NELL1: variants seen among roughly 807,000 people sequenced by gnomAD.
NELL1 encodes the protein protein kinase C-binding protein NELL1.
In NELL1, 76 loss-of-function variants were observed where a neutral mutation model predicts 107.4. The ratio of observed to expected loss-of-function variants is 0.71; its 90% CI spans 0.59 to 0.86. The LOEUF is 0.86. Ranked by LOEUF, NELL1 falls within the 40% of genes least tolerant of loss-of-function variation. NELL1 has a pLI of 0.00. For synonymous variants in NELL1, 353 were observed against 341.2 expected (o/e 1.03, Z -0.38); for missense variants, 1,024 against 1,005.5 (o/e 1.02, Z -0.25).
chr11:21,326,378 T>C (rs1850142874), intron 14 of NELL1, among the ~76,000 whole-genome samples: 1 of 152,092 alleles, frequency 6.6e-6, no homozygotes, highest in African/African-American at 2.4e-5. Flanking sequence ...AATAGGATTT[T>C]TGTTCATGTT....
chr11:20,909,656 G>A (rs545635196), intron 5 of NELL1, among the ~76,000 whole-genome samples: 8 of 152,188 alleles, frequency 5.3e-5, no homozygotes, highest in African/African-American at 1.4e-4. Flanking sequence ...TCAAACCAGC[G>A]TAAGATCTGG....
intron 12 of NELL1, among the ~76,000 whole-genome samples, chr11:20,974,845 A>G (rs1851572347): frequency 6.6e-6 from 1 of 152,190 alleles, no homozygotes; most frequent in African/African-American, 2.4e-5. Context: ...TTAAATTTAA[A>G]AAAGATAAAT....
rs575644916 is a variant in NELL1 at position 21,178,747 on chromosome 11, G to A, written c.1427-50585G>A. On this transcript the variant is annotated intron_variant, in intron 13 of 19. Transcript: ENST00000357134. ...CTACTGCACTCCAGCCTTGGGGACA[G>A]AGTGAGAACTTGTCTTAAAAAAAAA... Among the ~76,000 whole-genome samples the A allele has an allele frequency of 8.7e-5, 13 of 148,572 alleles. No individual in the cohort carries two copies. The Admixed American group carries it at 8.8e-4, about 10-fold the overall frequency.
At position 21,369,945 on chromosome 11, in the gene NELL1, GA is replaced by G. The variant is rs1254685881; in HGVS notation, c.1550-906del. Among the ~76,000 whole-genome samples, 3 of 152,022 alleles carry G rather than the reference GA, an allele frequency of 2.0e-5. No individual in the cohort carries two copies. The East Asian group carries it at 5.8e-4, about 29-fold the overall frequency. Reference sequence around the variant, plus strand: ...AATCAGTTTTGAGCATCTGCTATGTGAATACATACTGAGGCTACAATACAGT... The same window carrying G: ...AATCAGTTTTGAGCATCTGCTATGTGATACATACTGAGGCTACAATACAGT... On this transcript the variant is annotated intron_variant, in intron 14 of 19. Transcript: ENST00000357134.
chr11:21,505,905 T>C (rs1242662338), intron 15 of NELL1, among the ~76,000 whole-genome samples: 1 of 152,210 alleles, frequency 6.6e-6, no homozygotes, highest in Non-Finnish European at 1.5e-5. Context: ...AGCCTCTCAC[T>C]AAATGATTGA....
intron 12 of NELL1, among the ~76,000 whole-genome samples, chr11:21,009,016 A>G (rs76997740): frequency 1.3e-5 from 2 of 152,146 alleles, no homozygotes; most frequent in East Asian, 3.9e-4. Context: ...TGGCAATTTG[A>G]TTGGTGGGAC....
chr11:21,032,253 C>G (rs150927401), intron 12 of NELL1, among the ~76,000 whole-genome samples: 41 of 152,168 alleles, frequency 2.7e-4, no homozygotes, highest in Admixed American at 6.5e-4. Context: ...TATAACTTCA[C>G]TGGCTTTGAA....
At chr11:21,075,213 C>T (rs1037338089) in intron 12 of NELL1, among the ~76,000 whole-genome samples, 6 of 152,096 alleles carry the variant, frequency 3.9e-5, no homozygotes, top group Admixed American at 1.3e-4. Context: ...TCCTGAATAT[C>T]GGAATTTAGT....
intron 15 of NELL1, among the ~76,000 whole-genome samples, chr11:21,412,279 A>C (rs755482150): frequency 5.3e-5 from 8 of 152,044 alleles, no homozygotes; most frequent in Non-Finnish European, 8.8e-5. Context: ...AAACATGATA[A>C]TGATTTTGTT....
intron 15 of NELL1, among the ~76,000 whole-genome samples, chr11:21,414,537 C>T (rs1271992666): frequency 2.4e-5 from 1 of 41,396 alleles, no homozygotes; most frequent in East Asian, 1.0e-3. Context: ...TGGACTCTCC[C>T]TCCGGTGTAC....
At chr11:21,521,177 A>G (rs1036776302) in intron 15 of NELL1, among the ~76,000 whole-genome samples, 1 of 152,222 alleles carries the variant, frequency 6.6e-6, no homozygotes, top group Non-Finnish European at 1.5e-5. Context: ...TGGTTCCCAC[A>G]GATTGTAGCC....
intron 15 of NELL1, among the ~76,000 whole-genome samples, chr11:21,525,504 G>A (rs538226769): frequency 6.6e-6 from 1 of 152,326 alleles, no homozygotes; most frequent in South Asian, 2.1e-4. Flanking sequence ...CCTTTTAGCA[G>A]TCATTCAGCT....
intron 15 of NELL1, among the ~76,000 whole-genome samples, chr11:21,423,465 AAAC>A (rs996118058): frequency 1.8e-4 from 28 of 152,218 alleles, no homozygotes; most frequent in African/African-American, 5.5e-4. Context: ...CAATAATAAA[AAAC>A]AAAAATAAAT....
At chr11:21,022,676 A>C (rs1852728376) in intron 12 of NELL1, among the ~76,000 whole-genome samples, 1 of 152,074 alleles carries the variant, frequency 6.6e-6, no homozygotes, top group South Asian at 2.1e-4. Flanking sequence ...GAGTTGGACA[A>C]TCCTAGTTTC....
At chr11:21,164,444 T>A (rs1856438874) in intron 13 of NELL1, among the ~76,000 whole-genome samples, 1 of 152,196 alleles carries the variant, frequency 6.6e-6, no homozygotes, top group Admixed American at 6.6e-5. Context: ...ACTTTAAATG[T>A]CCACTTAAGG....
At chr11:21,028,488 T>C (rs1565022486) in intron 12 of NELL1, among the ~76,000 whole-genome samples, 1 of 152,266 alleles carries the variant, frequency 6.6e-6, no homozygotes, top group African/African-American at 2.4e-5. Flanking sequence ...TGATAACAGG[T>C]AATGCCCACT....
At chr11:20,821,656 C>T (rs1271951077) in intron 3 of NELL1, among the ~76,000 whole-genome samples, 7 of 152,216 alleles carry the variant, frequency 4.6e-5, no homozygotes, top group Admixed American at 3.9e-4. Flanking sequence ...TTTTCTCACT[C>T]TGACACATTG....
chr11:21,311,609 T>C (rs1171904457), intron 14 of NELL1, among the ~76,000 whole-genome samples: 1 of 152,172 alleles, frequency 6.6e-6, no homozygotes, highest in Non-Finnish European at 1.5e-5. Context: ...AATGCAAGAA[T>C]TGGGACTGTC....
intron 14 of NELL1, among the ~76,000 whole-genome samples, chr11:21,347,196 A>C (rs1433121275): frequency 6.6e-6 from 1 of 152,178 alleles, no homozygotes; most frequent in African/African-American, 2.4e-5. Flanking sequence ...GGAGAAGAGA[A>C]TGAAGTGATG....
Sources: gnomAD v4.1 joint callset for allele counts (sites outside exome capture counted in the v4.1 genomes callset) on GRCh38, gnomAD v4.1.1 for gene constraint, MANE v1.5 for transcripts, NCBI Gene and HGNC (gene_info 2026-07-23, HGNC 2026-07-21) for gene names.